PDE10A: variants seen among roughly 807,000 people sequenced by gnomAD.
The protein encoded by PDE10A is cAMP and cAMP-inhibited cGMP 3',5'-cyclic phosphodiesterase 10A.
In PDE10A, 39 loss-of-function variants were observed where a neutral mutation model predicts 97.7. That is an observed-to-expected ratio of 0.40 (90% CI 0.31 to 0.52). PDE10A has a LOEUF of 0.52. Ranked by LOEUF, PDE10A falls within the 20% of genes least tolerant of loss-of-function variation. The pLI is 0.56. For synonymous variants in PDE10A, 371 were observed against 376.8 expected (o/e 0.98, Z 0.18); for missense variants, 731 against 1,047.8 (o/e 0.70, Z 4.17).
intron 18 of PDE10A, among the ~76,000 whole-genome samples, chr6:165,362,860 C>A (rs907193402): frequency 6.6e-6 from 1 of 152,138 alleles, no homozygotes; most frequent in African/African-American, 2.4e-5. Flanking sequence ...AACAACTATA[C>A]ACCATTATTA....
At chr6:165,600,392 T>G (rs1207166290) in intron 1 of PDE10A, among the ~76,000 whole-genome samples, 3 of 152,224 alleles carry the variant, frequency 2.0e-5, no homozygotes, top group Non-Finnish European at 4.4e-5. Context: ...GAGTTCCAAC[T>G]GAACCCAATG....
chr6:165,800,760 T>C lies in PDE10A; in HGVS notation c.-615+186769A>G, dbSNP rs182462282. On this transcript the variant is annotated intron_variant, in intron 1 of 19. Coordinates refer to the PDE10A transcript ENST00000366882. ...CAACGCAGAGCCCATTTGGTGCCGC[T>C]AGAGCATGGAAATGGTTAGTAATAA... is the stretch of plus-strand genomic sequence containing the variant. Among the ~76,000 whole-genome samples the C allele has an allele frequency of 2.2e-4, 33 of 152,308 alleles. No individual in the cohort carries two copies. In the East Asian group the frequency reaches 6.0e-3, roughly 28 times the overall value.
chr6:165,960,525 C>T (rs1026717288), intron 1 of PDE10A, among the ~76,000 whole-genome samples: 2 of 152,182 alleles, frequency 1.3e-5, no homozygotes, highest in African/African-American at 4.8e-5. Flanking sequence ...TACCCCTAGA[C>T]ATGTTGTCAT....
At chr6:165,634,949 T>C (rs1788804489) in intron 1 of PDE10A, among the ~76,000 whole-genome samples, 1 of 152,222 alleles carries the variant, frequency 6.6e-6, no homozygotes, top group African/African-American at 2.4e-5. Flanking sequence ...CCTGTGTTCA[T>C]TTAAGCATTT....
At chr6:165,371,189 C>T (rs1272257520) in intron 18 of PDE10A, among the ~76,000 whole-genome samples, 26 of 151,772 alleles carry the variant, frequency 1.7e-4, no homozygotes, top group Non-Finnish European at 7.4e-5. Context: ...CAAGAGCAAA[C>T]ACATTCAAAA....
At chr6:165,886,553 G>A (rs1781637655) in intron 1 of PDE10A, among the ~76,000 whole-genome samples, 1 of 152,260 alleles carries the variant, frequency 6.6e-6, no homozygotes, top group Admixed American at 6.5e-5. Flanking sequence ...CCAGAATCCA[G>A]AAGTTGCTCA....
chr6:165,678,177 G>C (rs1242485303), intron 1 of PDE10A, among the ~76,000 whole-genome samples: 5 of 1,092 alleles, frequency 4.6e-3, no homozygotes, highest in African/African-American at 6.8e-3. Flanking sequence ...GTATGTGTGT[G>C]TCCATGTGTG....
intron 1 of PDE10A, among the ~76,000 whole-genome samples, chr6:165,693,063 T>TA (rs1554306475): frequency 4.6e-5 from 7 of 152,180 alleles, no homozygotes; most frequent in East Asian, 3.9e-4. Context: ...CATTTTAATT[T>TA]AAAAAAAATC....
In PDE10A at chr6:165,608,111, T is replaced by A. The variant is rs376722602; in HGVS notation, c.865+53836A>T. 2.7e-5 allele frequency among the ~76,000 whole-genome samples: 4 copies of A among 148,708 alleles called. No homozygotes were observed. The East Asian group carries it at 7.8e-4, about 29-fold the overall frequency. Reference sequence around the variant, plus strand: ...ATATATGTGCATATATATACATGTATATATATATATTTTATTATACTTTAA... The same window carrying A: ...ATATATGTGCATATATATACATGTAAATATATATATTTTATTATACTTTAA... On this transcript the variant is annotated intron_variant, in intron 1 of 21. Coordinates refer to ENST00000539869, the MANE Select transcript of PDE10A (RefSeq NM_001385079.1).
At chr6:165,399,248 C>A (rs1786431255) in intron 13 of PDE10A, among the ~76,000 whole-genome samples, 1 of 152,032 alleles carries the variant, frequency 6.6e-6, no homozygotes, top group Non-Finnish European at 1.5e-5. Context: ...GATTTCACAC[C>A]ACCCTTTCAA....
At chr6:165,598,809 C>G (rs1786759457) in intron 1 of PDE10A, among the ~76,000 whole-genome samples, 1 of 151,972 alleles carries the variant, frequency 6.6e-6, no homozygotes, top group Non-Finnish European at 1.5e-5. Flanking sequence ...AACTAATAGC[C>G]CAGCACTGGG....
chr6:165,701,267 G>A (rs1371458937), intron 1 of PDE10A, among the ~76,000 whole-genome samples: 1 of 152,192 alleles, frequency 6.6e-6, no homozygotes, highest in Non-Finnish European at 1.5e-5. Context: ...ACCATCTGAC[G>A]GTCTTGGGTG....
chr6:165,569,210 T>C (rs1226874777), intron 1 of PDE10A, among the ~76,000 whole-genome samples: 2 of 152,216 alleles, frequency 1.3e-5, no homozygotes, highest in Non-Finnish European at 2.9e-5. Context: ...TCATCTTTAC[T>C]TCACGTTATA....
chr6:165,920,543 TACACACAC>T lies in PDE10A; in HGVS notation c.-615+66978_-615+66985del, dbSNP rs55746374. Among the ~76,000 whole-genome samples the T allele has an allele frequency of 7.6e-3, 1,135 of 149,378 alleles. 14 individuals carry two copies. The highest frequency in any genetic ancestry group is 0.024 in the African/African-American group (1,001 of 40,898). On this transcript the variant is annotated intron_variant, in intron 1 of 19. Transcript: ENST00000366882. ...GATGCTTATCTTCTAAGACTGGGCT[TACACACAC>T]ACACACACACACACACACTTACACA...
At chr6:165,416,704 G>C (rs1466938744) in intron 11 of PDE10A, among the ~76,000 whole-genome samples, 1 of 152,180 alleles carries the variant, frequency 6.6e-6, no homozygotes, top group African/African-American at 2.4e-5. Context: ...AGGAACACTA[G>C]AATGCTGGTC....
At chr6:165,474,896 AAGAG>A (rs545786246) in intron 3 of PDE10A, among the ~76,000 whole-genome samples, 37 of 152,308 alleles carry the variant, frequency 2.4e-4, no homozygotes, top group African/African-American at 8.7e-4. Context: ...AGAAAAAAGC[AAGAG>A]AGAGAGAAAT....
chr6:165,871,721 A>C (rs1228268789), intron 1 of PDE10A, among the ~76,000 whole-genome samples: 1 of 152,186 alleles, frequency 6.6e-6, no homozygotes, highest in Admixed American at 6.5e-5. Context: ...GAGCACCCAA[A>C]GGCAGAACCT....
intron 2 of PDE10A, among the ~76,000 whole-genome samples, chr6:165,537,169 A>T (rs552480048): frequency 6.6e-6 from 1 of 152,176 alleles, no homozygotes; most frequent in South Asian, 2.1e-4. Flanking sequence ...CCATTAAGTG[A>T]AATAAGCCAA....
intron 1 of PDE10A, among the ~76,000 whole-genome samples, chr6:165,898,523 C>G (rs1430242150): frequency 6.6e-6 from 1 of 152,106 alleles, no homozygotes; most frequent in Non-Finnish European, 1.5e-5. Flanking sequence ...GTGATCCCAC[C>G]ATCAAAACAG....
Sources: allele counts gnomAD v4.1 joint callset (sites outside exome capture counted in the v4.1 genomes callset), GRCh38; gene constraint gnomAD v4.1.1; transcripts MANE v1.5; gene names NCBI Gene and HGNC (gene_info 2026-07-23, HGNC 2026-07-21).